LRRC69: variants seen among roughly 807,000 people sequenced by gnomAD.
LRRC69 encodes the protein leucine rich repeat containing 69.
Under a neutral mutation model 37.8 loss-of-function variants are expected in LRRC69, and 42 were observed. The observed-to-expected ratio is 1.11, with a 90% confidence interval of 0.87 to 1.44. LRRC69 has a LOEUF of 1.44. LRRC69 is among the 40% of genes most tolerant of loss of function. The pLI, the probability that LRRC69 is intolerant of heterozygous loss-of-function variation, is 0.00. For missense variants in LRRC69, 357 were observed against 401.9 expected (o/e 0.89, Z 0.96); for synonymous variants, 141 against 143.1 (o/e 0.99, Z 0.11).
chr8:91,148,457 C>T lies in LRRC69; in HGVS notation c.651+12718C>T, dbSNP rs558770424. ...ATAGTATTCCATGGTGTATATGTGC[C>T]ACATTTTCTTAATCCAGTCTATCAT... On this transcript the variant is annotated intron_variant, in intron 5 of 7. Transcript: ENST00000448384. Among the ~76,000 whole-genome samples the T allele has an allele frequency of 5.4e-4, 82 of 151,966 alleles. No homozygotes were observed. The South Asian group carries it at 7.3e-3, about 13-fold the overall frequency.
At chr8:91,153,356 A>C (rs1185059900) in intron 5 of LRRC69, among the ~76,000 whole-genome samples, 1 of 151,348 alleles carries the variant, frequency 6.6e-6, no homozygotes, top group Admixed American at 6.6e-5. Flanking sequence ...CTCTGGATCA[A>C]GTGGACCTGA....
At chr8:91,185,641 T>C (rs1400082212) in intron 5 of LRRC69, among the ~76,000 whole-genome samples, 1 of 152,200 alleles carries the variant, frequency 6.6e-6, no homozygotes, top group African/African-American at 2.4e-5. Flanking sequence ...TGATTAGATA[T>C]CAAATTTATC....
At chr8:91,112,134 A>G (rs916180688) in intron 1 of LRRC69, among the ~76,000 whole-genome samples, 4 of 152,056 alleles carry the variant, frequency 2.6e-5, no homozygotes, top group Non-Finnish European at 4.4e-5. Context: ...AAGAATTTTT[A>G]TCCAGCAAAA....
chr8:91,188,878 T>C (rs943851633), intron 5 of LRRC69, among the ~76,000 whole-genome samples: 9 of 150,374 alleles, frequency 6.0e-5, no homozygotes, highest in Non-Finnish European at 1.3e-4. Context: ...CAGGCTGGAG[T>C]GCAGTGGCAC....
intron 5 of LRRC69, among the ~76,000 whole-genome samples, chr8:91,181,301 T>A (rs934122676): frequency 6.6e-6 from 1 of 152,178 alleles, no homozygotes; most frequent in African/African-American, 2.4e-5. Context: ...GGGCACATTA[T>A]GAACACATTT....
At chr8:91,129,530 T>G (rs1813772141) in intron 3 of LRRC69, among the ~76,000 whole-genome samples, 1 of 151,898 alleles carries the variant, frequency 6.6e-6, no homozygotes, top group Non-Finnish European at 1.5e-5. Context: ...TCCCATGATA[T>G]AGTAAATCAG....
At chr8:91,176,134 A>ATATATATATATATATAT in intron 5 of LRRC69, among the ~76,000 whole-genome samples, 1 of 75,708 alleles carries the variant, frequency 1.3e-5, no homozygotes, top group African/African-American at 6.1e-5. Context: ...ATATATATAT[A>ATATATATATATATATAT]TTTTTTTTTT....
chr8:91,162,469 C>T (rs1808962082), intron 5 of LRRC69, among the ~76,000 whole-genome samples: 1 of 151,364 alleles, frequency 6.6e-6, no homozygotes, highest in African/African-American at 2.4e-5. Context: ...TATGTTATAT[C>T]CTCTTACTGA....
chr8:91,109,459 A>G (rs1444476776), intron 1 of LRRC69, among the ~76,000 whole-genome samples: 1 of 152,100 alleles, frequency 6.6e-6, no homozygotes, highest in African/African-American at 2.4e-5. Context: ...CCGAACCTTC[A>G]AACTTCCAAA....
At chr8:91,145,352 G>T (rs1278413677) in intron 5 of LRRC69, among the ~76,000 whole-genome samples, 2 of 151,906 alleles carry the variant, frequency 1.3e-5, no homozygotes, top group Non-Finnish European at 2.9e-5. Flanking sequence ...ATAGCCATGA[G>T]AAATTCCAGT....
intron 5 of LRRC69, among the ~76,000 whole-genome samples, chr8:91,175,428 G>T (rs1809206746): frequency 6.6e-6 from 1 of 152,080 alleles, no homozygotes; most frequent in South Asian, 2.1e-4. Flanking sequence ...TCCAGTCCCT[G>T]ACATAATACC....
intron 5 of LRRC69, among the ~76,000 whole-genome samples, chr8:91,184,364 G>A (rs1017977188): frequency 9.2e-5 from 14 of 152,046 alleles, no homozygotes; most frequent in African/African-American, 3.4e-4. Flanking sequence ...TTCTTTTGGA[G>A]AAATTCCTAT....
chr8:91,175,260 A>C (rs769027676), intron 5 of LRRC69, among the ~76,000 whole-genome samples: 12 of 151,648 alleles, frequency 7.9e-5, no homozygotes, highest in Non-Finnish European at 1.6e-4. Context: ...TCTCAGTTCA[A>C]GGAGGAGCTG....
chr8:91,155,238 A>G (rs986538634), intron 5 of LRRC69, among the ~76,000 whole-genome samples: 3 of 150,998 alleles, frequency 2.0e-5, no homozygotes, highest in Non-Finnish European at 4.5e-5. Context: ...AAATTAAAAA[A>G]AATTATTGTG....
At chr8:91,197,022 T>C (rs1042123622) in intron 6 of LRRC69, among the ~76,000 whole-genome samples, 1 of 151,234 alleles carries the variant, frequency 6.6e-6, no homozygotes, top group African/African-American at 2.4e-5. Context: ...GGGTTTTTGG[T>C]GTGGATGTCC....
At chr8:91,150,142 A>G (rs1808705211) in intron 5 of LRRC69, among the ~76,000 whole-genome samples, 1 of 151,952 alleles carries the variant, frequency 6.6e-6, no homozygotes, top group South Asian at 2.1e-4. Context: ...GTGGTGAGAG[A>G]GGGCATCCCT....
intron 5 of LRRC69, among the ~76,000 whole-genome samples, chr8:91,163,314 G>A (rs1586258255): frequency 6.6e-6 from 1 of 151,316 alleles, no homozygotes. Flanking sequence ...AAATTTCCAT[G>A]AAAACAGCAT....
chr8:91,102,803 C>T, exon 1 of LRRC69: 1 of 1,551,628 alleles, frequency 6.4e-7, no homozygotes, highest in Non-Finnish European at 8.7e-7. Context: ...TCAGAATAAC[C>T]TAATCCCCAA....
chr8:91,178,976 T>A (rs962534677), intron 5 of LRRC69, among the ~76,000 whole-genome samples: 1 of 152,224 alleles, frequency 6.6e-6, no homozygotes, highest in Admixed American at 6.5e-5. Context: ...ATTTTCCCCA[T>A]GTAAACTTGG....
Sources: gnomAD v4.1 joint callset for allele counts (sites outside exome capture counted in the v4.1 genomes callset) on GRCh38, gnomAD v4.1.1 for gene constraint, MANE v1.5 for transcripts, NCBI Gene and HGNC (gene_info 2026-07-23, HGNC 2026-07-21) for gene names.